The following LHFPL1 variants were observed in gnomAD, a reference collection of about 807,000 sequenced individuals.
The protein encoded by LHFPL1 is LHFPL tetraspan subfamily member 1 protein.
LHFPL1 carries 4 observed loss-of-function variants against 12.1 expected under a neutral mutation model. The ratio of observed to expected loss-of-function variants is 0.33; its 90% CI spans 0.16 to 0.76. The LOEUF (loss-of-function observed/expected upper bound fraction) is 0.76, where lower values mean the gene tolerates loss of function less well. LHFPL1 is among the 30% of genes least tolerant of loss of function. The probability of loss-of-function intolerance (pLI) is 0.61; values close to 1 mark genes in which losing one functional copy is unlikely to be tolerated. For synonymous variants in LHFPL1, 52 were observed against 61.9 expected (o/e 0.84, Z 0.75); for missense variants, 141 against 174.1 (o/e 0.81, Z 1.07).
intron 3 of LHFPL1, among the ~76,000 whole-genome samples, chrX:112,637,062 C>G (rs1202534504): frequency 8.9e-6 from 1 of 111,760 alleles, no homozygotes; most frequent in Non-Finnish European, 1.9e-5. Context: ...CTGAGATAAG[C>G]CTATTCCTTT....
At chrX:112,631,681 C>T in intron 3 of LHFPL1, 80 bp from the exon 4 acceptor site, 1 of 706,373 alleles carries the variant, frequency 1.4e-6, no homozygotes, top group Non-Finnish European at 2.1e-6. Flanking sequence ...AGAAATGATT[C>T]CAGAAAGTAC....
At position 112,671,102 on chromosome X, in the gene LHFPL1, G is replaced by A. The variant is rs781573955; in HGVS notation, c.289C>T (p.Leu97=). 3 of 1,212,041 alleles carry A rather than the reference G, an allele frequency of 2.5e-6. No homozygotes were observed. Among genetic ancestry groups the A allele is most frequent in the Non-Finnish European group, 3.4e-6 (3 of 895,432 alleles). ...VTGAGCALLL[L]VALAAVLGCC... is the part of the protein sequence containing the mutation. The stretch of plus-strand genomic sequence containing the variant: ...CCCAGGACAGCAGCTAGTGCCACCA[G>A]GAGCAGCAGAGCACAGCCGGCACCT... Residue 97 remains leucine, a synonymous_variant, in exon 2 of 4, where the codon CTG becomes TTG. Transcript: ENST00000371968.
chrX:112,657,803 A>T (rs1481310938), intron 3 of LHFPL1, among the ~76,000 whole-genome samples: 1 of 110,516 alleles, frequency 9.0e-6, no homozygotes, highest in Non-Finnish European at 1.9e-5. Context: ...CAAAGGCCTA[A>T]CTATAAGAGC....
At chrX:112,679,486 CA>C (rs1381737028) in intron 1 of LHFPL1, among the ~76,000 whole-genome samples, 7 of 111,593 alleles carry the variant, frequency 6.3e-5, no homozygotes, top group Non-Finnish European at 1.1e-4. Flanking sequence ...CAGGTCATAA[CA>C]AAATCACTCT....
rs1439147231 is a variant in LHFPL1, at chrX:112,631,084, C to T, written c.*336G>A. On this transcript the variant is annotated 3_prime_UTR_variant, in exon 4 of 4. Transcript: ENST00000371968. ...AACTGTGTGAATGGAGTGGTAGGAA[C>T]CAGCTCTGCCCATCTCGTGCTCCCT... The T allele has an allele frequency of 1.3e-5, 2 of 159,542 alleles. No homozygotes were observed. The highest frequency in any genetic ancestry group is 2.4e-5 in the Non-Finnish European group (2 of 83,382). The allele number at this position is 159,542 out of a possible 1,213,427, so 13.1% of individuals were successfully genotyped here.
chrX:112,650,442 C>T (rs1237551943), intron 3 of LHFPL1, among the ~76,000 whole-genome samples: 1 of 111,851 alleles, frequency 8.9e-6, no homozygotes, highest in Non-Finnish European at 1.9e-5. Flanking sequence ...CTACCAGTAT[C>T]TGTAACTCCA....
intron 3 of LHFPL1, among the ~76,000 whole-genome samples, chrX:112,641,251 T>C (rs1470724272): frequency 8.9e-6 from 1 of 112,435 alleles, no homozygotes; most frequent in Admixed American, 9.4e-5. Flanking sequence ...TTTATCATTT[T>C]TAAGGTATTT....
chrX:112,642,147 G>A lies in LHFPL1; in HGVS notation c.482-10546C>T, dbSNP rs796184199. On this transcript the variant is annotated intron_variant, in intron 3 of 3. Transcript: ENST00000371968. ...CCCTAGTTTTCCTCCTGGTTCCTGC[G>A]TTTGAAACCCATTTCACTTTATTAA... is the stretch of plus-strand genomic sequence containing the variant. 7.5e-5 allele frequency among the ~76,000 whole-genome samples: 8 copies of A among 106,884 alleles called. No homozygotes were observed. In the East Asian group the frequency reaches 1.2e-3, roughly 16 times the overall value. The allele number at this position is 106,884 out of a possible 115,157, so 92.8% of individuals were successfully genotyped here.
At chrX:112,665,200 CT>C (rs1393377445) in intron 2 of LHFPL1, among the ~76,000 whole-genome samples, 1 of 101,265 alleles carries the variant, frequency 9.9e-6, no homozygotes, top group Non-Finnish European at 2.0e-5. Context: ...TTTTTTTTTC[CT>C]TTTTTTTGAG....
At chrX:112,641,569 A>G (rs1930508834) in intron 3 of LHFPL1, among the ~76,000 whole-genome samples, 1 of 112,190 alleles carries the variant, frequency 8.9e-6, no homozygotes, top group Admixed American at 9.5e-5. Flanking sequence ...CCGTGAGTAA[A>G]ATGGAAGTGA....
intron 1 of LHFPL1, among the ~76,000 whole-genome samples, chrX:112,677,401 T>C (rs911425151): frequency 1.8e-5 from 2 of 111,380 alleles, no homozygotes; most frequent in South Asian, 3.9e-4. Flanking sequence ...GGCACTGGTG[T>C]TGGCAAAGGA....
At chrX:112,641,703 A>G (rs1930513388) in intron 3 of LHFPL1, among the ~76,000 whole-genome samples, 2 of 112,116 alleles carry the variant, frequency 1.8e-5, no homozygotes, top group African/African-American at 6.5e-5. Flanking sequence ...CACACTCCCA[A>G]CTGGTCCAAC....
At chrX:112,661,467 G>A (rs1210566641) in intron 2 of LHFPL1, among the ~76,000 whole-genome samples, 1 of 111,522 alleles carries the variant, frequency 9.0e-6, no homozygotes, top group South Asian at 3.8e-4. Context: ...TGCTGCGTAC[G>A]TTTTCACATT....
At chrX:112,666,425 T>C (rs1242263128) in intron 2 of LHFPL1, among the ~76,000 whole-genome samples, 1 of 111,381 alleles carries the variant, frequency 9.0e-6, no homozygotes, top group African/African-American at 3.3e-5. Context: ...GCATTGGACC[T>C]GGCCTTTGAG....
intron 3 of LHFPL1, among the ~76,000 whole-genome samples, chrX:112,649,969 GT>G (rs1403732426): frequency 3.3e-5 from 3 of 89,612 alleles, no homozygotes; most frequent in Non-Finnish European, 6.2e-5. Flanking sequence ...TAAACATCTA[GT>G]TTTTTGTGAA....
At chrX:112,652,589 G>C (rs1017714601) in intron 3 of LHFPL1, among the ~76,000 whole-genome samples, 1 of 111,988 alleles carries the variant, frequency 8.9e-6, no homozygotes. Context: ...GGGACTTTGA[G>C]GTGGTGACAT....
At chrX:112,633,957 G>GAC (rs1253823603) in intron 3 of LHFPL1, among the ~76,000 whole-genome samples, 2 of 110,775 alleles carry the variant, frequency 1.8e-5, no homozygotes, top group East Asian at 2.8e-4. Flanking sequence ...CCTCCCCCTG[G>GAC]ACACACACAC....
chrX:112,676,095 G>C (rs936101544), intron 1 of LHFPL1, among the ~76,000 whole-genome samples: 2 of 111,826 alleles, frequency 1.8e-5, no homozygotes, highest in African/African-American at 6.5e-5. Flanking sequence ...CACATGTGGT[G>C]GACAGTGAAG....
intron 3 of LHFPL1, chrX:112,648,840 T>C (rs1289940936): frequency 1.8e-5 from 2 of 111,776 alleles, no homozygotes; most frequent in African/African-American, 6.5e-5. Context: ...AACATATTAT[T>C]TTTATCTTGC....
Sources: allele counts gnomAD v4.1 joint callset (sites outside exome capture counted in the v4.1 genomes callset), GRCh38; gene constraint gnomAD v4.1.1; transcripts MANE v1.5; gene names NCBI Gene and HGNC (gene_info 2026-07-23, HGNC 2026-07-21).